The following BIRC6 variants were observed in gnomAD, a reference collection of about 807,000 sequenced individuals.
BIRC6 encodes the protein dual E2 ubiquitin-conjugating enzyme/E3 ubiquitin-protein ligase BIRC6.
A neutral mutation model predicts 503.3 loss-of-function variants in BIRC6; 98 were observed. The ratio of observed to expected loss-of-function variants is 0.19; its 90% confidence interval spans 0.17 to 0.23. The LOEUF (loss-of-function observed/expected upper bound fraction) is 0.23. BIRC6 is among the 10% of genes least tolerant of loss of function. The pLI is 1.00. For synonymous variants in BIRC6, 2,240 were observed against 2,078.7 expected, an observed-to-expected ratio of 1.08 and a Z score of -2.11; for missense variants, 5,360 against 5,806.0, an observed-to-expected ratio of 0.92 and a Z score of 2.50.
At chr2:32,576,095 T>C (rs1485446471) in intron 66 of BIRC6, among the ~76,000 whole-genome samples, 2 of 152,242 alleles carry the variant, frequency 1.3e-5, no homozygotes, top group African/African-American at 4.8e-5. Flanking sequence ...TATTTATTAG[T>C]AGATTTTAGG....
chr2:32,463,102 A>G (rs888705153), intron 23 of BIRC6, 92 bp from the exon 24 acceptor site: 2 of 1,076,468 alleles, frequency 1.9e-6, no homozygotes, highest in Admixed American at 3.1e-5. Flanking sequence ...TAGCATCATA[A>G]TAGTGCCAAA....
intron 72 of BIRC6, among the ~76,000 whole-genome samples, chr2:32,610,746 C>CTCTTT (rs1296561927): frequency 6.6e-6 from 1 of 152,228 alleles, no homozygotes; most frequent in Non-Finnish European, 1.5e-5. Flanking sequence ...AATTTGTTTT[C>CTCTTT]TCTTTTCTCT....
intron 70 of BIRC6, 57 bp from the exon 71 acceptor site, chr2:32,602,947 GAC>G (rs1475783047): frequency 3.5e-6 from 5 of 1,421,554 alleles, no homozygotes; most frequent in Non-Finnish European, 4.8e-6. Context: ...TTCTCGTTAT[GAC>G]AGTTTGTTTT....
rs79321668 is a variant in BIRC6, at chr2:32,392,275, T to C, written c.951+125T>C. The stretch of plus-strand genomic sequence containing the variant: ...CACCTTGTATGCTTGCTTGTATGCA[T>C]GGATGCTTGTTTTTTTGGCCCAGGC... On this transcript the variant is annotated intron_variant, in intron 5 of 73. Transcript: ENST00000421745. 4.7e-3 allele frequency: 3,125 copies of C among 660,380 alleles called. 69 individuals carry two copies. The African/African-American group carries it at 0.051, about 11-fold the overall frequency. 40.9% of individuals were successfully genotyped at this position (660,380 alleles called of 1,614,324 possible).
chr2:32,440,382 C>T (rs149707194), intron 16 of BIRC6, among the ~76,000 whole-genome samples: 222 of 152,186 alleles, frequency 1.5e-3, no homozygotes, highest in African/African-American at 5.1e-3. Flanking sequence ...GAAGTTGGGG[C>T]GTAATTTTAA....
chr2:32,531,347 T>C lies in BIRC6; in HGVS notation c.12095-8T>C, dbSNP rs773296424. 7 of 1,594,514 alleles carry C rather than the reference T, an allele frequency of 4.4e-6. No homozygotes were observed. Among genetic ancestry groups the C allele is most frequent in the Non-Finnish European group, 6.0e-6 (7 of 1,169,622 alleles). ...TACCTATTCAGTTATTTGTAATTTA[T>C]TGTCTAGATCATGGAGACTTACTTG... On this transcript the variant is annotated splice_region_variant and splice_polypyrimidine_tract_variant and intron_variant, in intron 60 of 73. Coordinates refer to ENST00000421745, the MANE Select transcript of BIRC6 (RefSeq NM_016252.4).
At chr2:32,492,539 C>A (rs887924170) in intron 44 of BIRC6, among the ~76,000 whole-genome samples, 1 of 151,996 alleles carries the variant, frequency 6.6e-6, no homozygotes, top group African/African-American at 2.4e-5. Context: ...CTCGGGATCA[C>A]CAATTCTGAC....
In BIRC6 at chr2:32,402,953, T is replaced by C. The variant is rs542451899; in HGVS notation, c.1418+1330T>C. On this transcript the variant is annotated intron_variant, in intron 8 of 73. Coordinates refer to ENST00000421745, the MANE Select transcript of BIRC6 (RefSeq NM_016252.4). ...AAAATCTGCATTTTAGATAAACATGTATTCTGTATTATTAGTGGAAATACT... is the reference window on the plus strand; with the variant it reads ...AAAATCTGCATTTTAGATAAACATGCATTCTGTATTATTAGTGGAAATACT... 2.0e-5 allele frequency among the ~76,000 whole-genome samples: 3 copies of C among 152,358 alleles called. No individual in the cohort carries two copies. The East Asian group carries it at 5.8e-4, about 29-fold the overall frequency.
At chr2:32,394,677 T>A (rs2039655932) in intron 5 of BIRC6, among the ~76,000 whole-genome samples, 2 of 151,988 alleles carry the variant, frequency 1.3e-5, no homozygotes, top group African/African-American at 4.8e-5. Context: ...ACAAAAAAAA[T>A]AACAGAATTA....
intron 10 of BIRC6, among the ~76,000 whole-genome samples, chr2:32,418,295 G>T: frequency 6.6e-6 from 1 of 152,152 alleles, no homozygotes; most frequent in East Asian, 1.9e-4. Flanking sequence ...CCAGTTCATT[G>T]TTGTAAGAAC....
chr2:32,530,470 C>T (rs1047068574), intron 60 of BIRC6, among the ~76,000 whole-genome samples: 2 of 152,192 alleles, frequency 1.3e-5, no homozygotes, highest in African/African-American at 4.8e-5. Context: ...TTCGGCCTCA[C>T]AAAGTGCTGG....
rs1159454829 is a variant in BIRC6, at chr2:32,463,288, T to G, written c.4848T>G (p.Ala1616=). The G allele has an allele frequency of 7.4e-6, 12 of 1,613,904 alleles. No individual in the cohort carries two copies. Among genetic ancestry groups the G allele is most frequent in the Non-Finnish European group, 9.3e-6 (11 of 1,179,860 alleles). Residue 1616 remains alanine (A), a synonymous_variant, in exon 24 of 74, where the codon GCT becomes GCG. Coordinates refer to ENST00000421745, the MANE Select transcript of BIRC6 (RefSeq NM_016252.4). ...CCCTGAGTTCAGCAGCCCAGGTAGC[T>G]TTGCAGTCTCTCTCTCATGCAATGG... ...STALSSAAQV[A]LQSLSHAMAS...
chr2:32,606,655 G>C (rs900361193), intron 71 of BIRC6, among the ~76,000 whole-genome samples: 5 of 152,006 alleles, frequency 3.3e-5, no homozygotes, highest in Non-Finnish European at 5.9e-5. Flanking sequence ...ATTGTCCTTG[G>C]AATAAAAATT....
Position 32,414,668 on chromosome 2 carries a change from A to AAAATAAAT in BIRC6, c.1478-82_1478-75dup, listed in dbSNP as rs376508242. 7.3e-5 allele frequency: 68 copies of AAAATAAAT among 934,602 alleles called. No individual in the cohort carries two copies. In the Middle Eastern group the frequency reaches 1.1e-3, roughly 16 times the overall value. 57.9% of individuals were successfully genotyped at this position (934,602 alleles called of 1,614,324 possible). A position where few individuals can be genotyped will look rare whatever the true frequency, so the allele number is the denominator to read the frequency against. ...TGTGACAGAGCAAGAATTTGTCTCAAAAATAAATAAATAAATAAATAAATA... is the reference window on the plus strand; with the variant it reads ...TGTGACAGAGCAAGAATTTGTCTCAAAAATAAATAAATAAATAAATAAATAAATAAATA... On this transcript the variant is annotated intron_variant, in intron 9 of 73. Coordinates refer to ENST00000421745, the MANE Select transcript of BIRC6 (RefSeq NM_016252.4).
intron 13 of BIRC6, among the ~76,000 whole-genome samples, chr2:32,435,134 T>C (rs987382797): frequency 2.5e-4 from 38 of 152,134 alleles, no homozygotes; most frequent in African/African-American, 8.4e-4. Context: ...TGCAGTCTTT[T>C]GACAGATTTT....
intron 65 of BIRC6, among the ~76,000 whole-genome samples, chr2:32,561,913 G>T (rs1020264855): frequency 1.3e-5 from 2 of 151,676 alleles, no homozygotes; most frequent in African/African-American, 4.8e-5. Context: ...GTGGTGGTGG[G>T]CCCCTGTAAT....
chr2:32,485,122 T>G (rs989493964), intron 39 of BIRC6, among the ~76,000 whole-genome samples: 1 of 152,228 alleles, frequency 6.6e-6, no homozygotes, highest in Non-Finnish European at 1.5e-5. Flanking sequence ...AACCATGATT[T>G]CGTCATGGAT....
intron 66 of BIRC6, among the ~76,000 whole-genome samples, chr2:32,581,086 G>A (rs1478040749): frequency 2.6e-5 from 4 of 152,308 alleles, no homozygotes; most frequent in Admixed American, 6.5e-5. Context: ...CAGGCAGAAA[G>A]CTATGATCCG....
chr2:32,446,796 G>A (rs1422296662), intron 21 of BIRC6, among the ~76,000 whole-genome samples: 5 of 99,390 alleles, frequency 5.0e-5, no homozygotes, highest in East Asian at 3.2e-4. Context: ...GGTGTTTCTC[G>A]CAGAAGGGGA....
Sources: allele counts gnomAD v4.1 joint callset (sites outside exome capture counted in the v4.1 genomes callset), GRCh38; gene constraint gnomAD v4.1.1; transcripts MANE v1.5; gene names NCBI Gene and HGNC (gene_info 2026-07-23, HGNC 2026-07-21).